Variants in LMBR1 observed in about 807,000 individuals in gnomAD.
LMBR1 encodes limb development membrane protein 1.
LMBR1 carries 52 observed loss-of-function variants against 73.9 expected under a neutral mutation model. That is an observed-to-expected ratio of 0.70 (90% CI 0.56 to 0.89). The LOEUF is 0.89. Among genes scored for constraint, LMBR1 ranks in the 40% least tolerant of loss-of-function variants. The probability of loss-of-function intolerance (pLI) is 0.00; values close to 1 mark genes in which losing one functional copy is unlikely to be tolerated. For synonymous variants in LMBR1, 215 were observed against 209.4 expected (o/e 1.03, Z -0.23); for missense variants, 539 against 579.8 (o/e 0.93, Z 0.72).
intron 1 of LMBR1, among the ~76,000 whole-genome samples, chr7:156,853,329 C>T (rs1796507155): frequency 6.6e-6 from 1 of 151,500 alleles, no homozygotes; most frequent in African/African-American, 2.4e-5. Flanking sequence ...ATTCCTTTCT[C>T]TTTTAAAAAA....
chr7:156,827,029 G>GA (rs1835823624), intron 3 of LMBR1, among the ~76,000 whole-genome samples: 1 of 151,948 alleles, frequency 6.6e-6, no homozygotes, highest in Admixed American at 6.6e-5. Context: ...ATTTTACAAA[G>GA]AAAAAATTGT....
At chr7:156,816,844 C>A (rs574147207) in intron 4 of LMBR1, among the ~76,000 whole-genome samples, 3 of 152,136 alleles carry the variant, frequency 2.0e-5, no homozygotes, top group South Asian at 4.1e-4. Flanking sequence ...TAATAATATT[C>A]TATAATTTTG....
At chr7:156,834,640 T>G (rs751420314) in intron 2 of LMBR1, 1 of 202,604 alleles carries the variant, frequency 4.9e-6, no homozygotes, top group African/African-American at 2.4e-5. Flanking sequence ...GAAATAAAAA[T>G]TATATATAAT....
At chr7:156,866,500 A>G (rs1168574400) in intron 1 of LMBR1, among the ~76,000 whole-genome samples, 2 of 151,536 alleles carry the variant, frequency 1.3e-5, no homozygotes, top group Admixed American at 6.6e-5. Context: ...GCTGAAATCC[A>G]TGAGGAATTT....
intron 3 of LMBR1, among the ~76,000 whole-genome samples, chr7:156,830,339 C>T (rs1319072383): frequency 1.3e-5 from 2 of 152,096 alleles, no homozygotes; most frequent in Non-Finnish European, 2.9e-5. Context: ...GTTAGTATTT[C>T]AATTTTTTTA....
intron 1 of LMBR1, among the ~76,000 whole-genome samples, chr7:156,884,955 A>G (rs1037813087): frequency 6.6e-6 from 1 of 152,248 alleles, no homozygotes; most frequent in Non-Finnish European, 1.5e-5. Flanking sequence ...TCATCTAGAG[A>G]GGCAGTAGAT....
chr7:156,817,506 G>C (rs1281350116), intron 4 of LMBR1, among the ~76,000 whole-genome samples: 4 of 70,820 alleles, frequency 5.6e-5, no homozygotes, highest in Middle Eastern at 4.9e-3. Context: ...GAGAGAGAGA[G>C]AGAGAGAGAC....
chr7:156,803,756 A>G (rs980328448), intron 4 of LMBR1, among the ~76,000 whole-genome samples: 7 of 151,956 alleles, frequency 4.6e-5, no homozygotes, highest in African/African-American at 1.7e-4. Flanking sequence ...ATATCCAACA[A>G]TGATAGACTG....
At chr7:156,793,252 G>A (rs973035179) in intron 5 of LMBR1, among the ~76,000 whole-genome samples, 31 of 152,186 alleles carry the variant, frequency 2.0e-4, no homozygotes, top group Admixed American at 1.9e-3. Flanking sequence ...GTTAACAAAT[G>A]ATTCTAGACT....
rs746115593 is a variant in LMBR1 at position 156,728,659 on chromosome 7, G to A, written c.900C>T (p.Leu300=). ...AAATTCTTACTGTCTCAATAAGAAG[G>A]AGAACCATAACAGCGGGATACACCA... ...RNLVYPAVMV[L]LLIETSISVL... Residue 300 remains leucine, a synonymous_variant, in exon 11 of 17, where the codon CTC becomes CTT. Coordinates refer to ENST00000353442, the MANE Select transcript of LMBR1 (RefSeq NM_022458.4). The A allele has an allele frequency of 6.3e-7, 1 of 1,597,192 alleles. No homozygotes were observed. Among genetic ancestry groups the A allele is most frequent in the Admixed American group, 1.8e-5 (1 of 54,952 alleles).
At chr7:156,676,952 G>A (rs1322144675), downstream of LMBR1, 2 of 313,954 alleles carry the variant, frequency 6.4e-6, no homozygotes, top group East Asian at 1.3e-4. Flanking sequence ...GCTAGTGTCT[G>A]AACGACACTC....
chr7:156,873,134 T>TC (rs1165958176), intron 1 of LMBR1, among the ~76,000 whole-genome samples: 2 of 152,200 alleles, frequency 1.3e-5, no homozygotes, highest in Non-Finnish European at 2.9e-5. Flanking sequence ...CGGTGAGTGT[T>TC]ACAGCTCTTA....
intron 10 of LMBR1, among the ~76,000 whole-genome samples, chr7:156,731,544 C>T (rs1312168863): frequency 2.0e-5 from 3 of 152,154 alleles, no homozygotes; most frequent in Admixed American, 2.0e-4. Flanking sequence ...TGACTTTTAA[C>T]AAGAAACCAG....
chr7:156,833,675 T>C (rs1299481621), intron 3 of LMBR1, 78 bp downstream of exon 3: 1 of 1,062,436 alleles, frequency 9.4e-7, no homozygotes, highest in Non-Finnish European at 1.4e-6. Context: ...CATACTTCTA[T>C]CCAAAAATTA....
At chr7:156,848,680 CCAG>C (rs1306330087) in intron 1 of LMBR1, among the ~76,000 whole-genome samples, 1 of 152,064 alleles carries the variant, frequency 6.6e-6, no homozygotes, top group African/African-American at 2.4e-5. Flanking sequence ...CCCTGTAATC[CCAG>C]CACTTTGGGA....
chr7:156,833,410 G>C (rs1837028065), intron 3 of LMBR1: 1 of 233,000 alleles, frequency 4.3e-6, no homozygotes, highest in Non-Finnish European at 8.3e-6. Context: ...CTAACCAGAG[G>C]AGATGTCCGC....
At chr7:156,771,580 G>A (rs1476493209) in intron 5 of LMBR1, among the ~76,000 whole-genome samples, 9 of 152,084 alleles carry the variant, frequency 5.9e-5, no homozygotes, top group South Asian at 2.1e-4. Context: ...TTCTGAAACC[G>A]AGTCTGTAAT....
At chr7:156,761,991 A>AAAAAC in intron 8 of LMBR1, 143 bp downstream of exon 8, 1 of 588,086 alleles carries the variant, frequency 1.7e-6, no homozygotes, top group Non-Finnish European at 3.0e-6. Flanking sequence ...AAAAAAAAAA[A>AAAAAC]ACTTAATAAA....
intron 4 of LMBR1, among the ~76,000 whole-genome samples, chr7:156,818,745 T>C (rs1834310903): frequency 6.6e-6 from 1 of 152,212 alleles, no homozygotes; most frequent in Non-Finnish European, 1.5e-5. Context: ...TTTTTCAACT[T>C]ATGGAAATGA....
Sources: allele counts gnomAD v4.1 joint callset (sites outside exome capture counted in the v4.1 genomes callset), GRCh38; gene constraint gnomAD v4.1.1; transcripts MANE v1.5; gene names NCBI Gene and HGNC (gene_info 2026-07-23, HGNC 2026-07-21).